Variants in RBFOX1 observed in about 807,000 individuals in gnomAD.
RBFOX1 encodes RNA binding protein fox-1 homolog 1.
RBFOX1 carries 8 observed loss-of-function variants against 57.7 expected under a neutral mutation model. The observed-to-expected ratio is 0.14, with a 90% confidence interval of 0.08 to 0.25. RBFOX1 has a LOEUF of 0.25. Among genes scored for constraint, RBFOX1 ranks in the 10% least tolerant of loss-of-function variants. The pLI, the probability that RBFOX1 is intolerant of heterozygous loss-of-function variation, is 1.00. For missense variants in RBFOX1, 611 were observed against 548.5 expected (o/e 1.11, Z -1.14); for synonymous variants, 326 against 222.4 (o/e 1.47, Z -4.15).
At chr16:6,118,047 A>G (rs879353008) in intron 1 of RBFOX1, among the ~76,000 whole-genome samples, 12 of 152,244 alleles carry the variant, frequency 7.9e-5, no homozygotes, top group Admixed American at 7.2e-4. Flanking sequence ...CTTTCATAAG[A>G]GTTGCAAAAG....
chr16:6,815,508 A>C (rs958980573), intron 3 of RBFOX1, among the ~76,000 whole-genome samples: 2 of 152,308 alleles, frequency 1.3e-5, no homozygotes, highest in Non-Finnish European at 2.9e-5. Flanking sequence ...TTATATTTCT[A>C]AATTGTCACT....
In RBFOX1 at chr16:6,201,105, G is replaced by C. The variant is rs143959839; in HGVS notation, c.-126-115890G>C. ...TTTCGCTTAACATAATGTCCCTCCA[G>C]TTCCACCCATGTTGTTGCAAATGAC... On this transcript the variant is annotated intron_variant, in intron 1 of 15. Transcript: ENST00000550418. 3.0e-3 allele frequency among the ~76,000 whole-genome samples: 460 copies of C among 152,134 alleles called. 5 individuals carry two copies. Among genetic ancestry groups the C allele is most frequent in the African/African-American group, 0.011 (452 of 41,508 alleles).
chr16:6,751,271 G>T (rs1008029025), intron 3 of RBFOX1, among the ~76,000 whole-genome samples: 12 of 152,158 alleles, frequency 7.9e-5, no homozygotes, highest in Non-Finnish European at 1.6e-4. Flanking sequence ...AATGGATGGG[G>T]AGTAGGTGGC....
chr16:5,632,213 T>C (rs2048532984), intron 3 of RBFOX1, among the ~76,000 whole-genome samples: 1 of 152,194 alleles, frequency 6.6e-6, no homozygotes, highest in Non-Finnish European at 1.5e-5. Context: ...TATTATTCTG[T>C]ATTAGAGACG....
intron 1 of RBFOX1, among the ~76,000 whole-genome samples, chr16:6,145,102 G>C (rs994076590): frequency 6.6e-6 from 1 of 151,968 alleles, no homozygotes; most frequent in African/African-American, 2.4e-5. Flanking sequence ...CTTGTGTCAT[G>C]GGGGTTTGTT....
At chr16:7,020,546 T>C (rs1374787383) in intron 3 of RBFOX1, among the ~76,000 whole-genome samples, 1 of 152,184 alleles carries the variant, frequency 6.6e-6, no homozygotes, top group African/African-American at 2.4e-5. Flanking sequence ...AAATATAATG[T>C]TTATGAAAAT....
chr16:6,283,538 T>C (rs965959891), intron 1 of RBFOX1, among the ~76,000 whole-genome samples: 1 of 152,098 alleles, frequency 6.6e-6, no homozygotes, highest in African/African-American at 2.4e-5. Flanking sequence ...TACATAGGTA[T>C]TACCCAGCCT....
chr16:6,829,985 C>G (rs1393344617), intron 3 of RBFOX1, among the ~76,000 whole-genome samples: 1 of 151,958 alleles, frequency 6.6e-6, no homozygotes, highest in Admixed American at 6.6e-5. Flanking sequence ...GGTGCAGTCT[C>G]AGCTCTCTGC....
chr16:5,655,624 G>C (rs1407168192), intron 3 of RBFOX1, among the ~76,000 whole-genome samples: 2 of 152,206 alleles, frequency 1.3e-5, no homozygotes, highest in Admixed American at 1.3e-4. Flanking sequence ...ATACAGCAGA[G>C]TGCCCTGTGT....
intron 2 of RBFOX1, among the ~76,000 whole-genome samples, chr16:5,488,357 G>T (rs1453222986): frequency 6.7e-6 from 1 of 149,736 alleles, no homozygotes; most frequent in African/African-American, 2.5e-5. Context: ...AGTGGTGATG[G>T]CAGATGATGG....
chr16:5,612,995 C>A (rs994303134), intron 3 of RBFOX1, among the ~76,000 whole-genome samples: 4 of 152,156 alleles, frequency 2.6e-5, no homozygotes, highest in Non-Finnish European at 5.9e-5. Context: ...GTAGAATGGA[C>A]TCCATTTTAC....
chr16:5,815,441 A>G (rs923001060), intron 3 of RBFOX1, among the ~76,000 whole-genome samples: 1 of 152,080 alleles, frequency 6.6e-6, no homozygotes, highest in African/African-American at 2.4e-5. Context: ...AGCTCTGTTG[A>G]TCAGAAACCT....
intron 3 of RBFOX1, among the ~76,000 whole-genome samples, chr16:6,915,550 CTTTTTTT>C (rs141753685): frequency 8.1e-6 from 1 of 123,528 alleles, no homozygotes; most frequent in Non-Finnish European, 1.7e-5. Context: ...CCACACCCCC[CTTTTTTT>C]TTTTTTTTTT....
intron 2 of RBFOX1, among the ~76,000 whole-genome samples, chr16:6,360,582 A>G (rs980032860): frequency 6.6e-6 from 1 of 152,134 alleles, no homozygotes; most frequent in Non-Finnish European, 1.5e-5. Flanking sequence ...CTCATCCAAT[A>G]TTATTATGGA....
At chr16:7,032,078 G>A (rs952089476) in intron 3 of RBFOX1, among the ~76,000 whole-genome samples, 2 of 152,112 alleles carry the variant, frequency 1.3e-5, no homozygotes, top group African/African-American at 4.8e-5. Context: ...GCAACTTTCG[G>A]ATGGCCGTAG....
rs990129954 is a variant in RBFOX1, at chr16:5,530,954, A to C, written c.258+63700A>C. 9.7e-3 allele frequency among the ~76,000 whole-genome samples: 1,258 copies of C among 129,622 alleles called. 19 individuals carry two copies. Among genetic ancestry groups the C allele is most frequent in the African/African-American group, 0.034 (921 of 26,870 alleles). The allele number at this position is 129,622 out of a possible 152,430, so 85.0% of individuals were successfully genotyped here. On this transcript the variant is annotated intron_variant, in intron 2 of 2. Transcript: ENST00000585867. ...AATATAAAAAAAAAAAAAAAAAAAAAAAAAAAAAAAAAAAAAAAAAATTAG... is the reference window on the plus strand; with the variant it reads ...AATATAAAAAAAAAAAAAAAAAAAACAAAAAAAAAAAAAAAAAAAAATTAG...
At chr16:7,652,683 G>A (rs80090738) in intron 11 of RBFOX1, among the ~76,000 whole-genome samples, 15,659 of 152,234 alleles carry the variant, frequency 0.1, 874 homozygotes, top group East Asian at 0.17. Flanking sequence ...TGGGATTACA[G>A]GCATGAGCCA....
intron 4 of RBFOX1, among the ~76,000 whole-genome samples, chr16:7,499,400 C>T (rs1180832925): frequency 2.0e-5 from 3 of 152,170 alleles, no homozygotes; most frequent in Non-Finnish European, 2.9e-5. Context: ...CTAATTACAT[C>T]TGCAGTGACC....
At chr16:7,263,294 T>C (rs1444193607) in intron 4 of RBFOX1, among the ~76,000 whole-genome samples, 1 of 152,146 alleles carries the variant, frequency 6.6e-6, no homozygotes, top group African/African-American at 2.4e-5. Flanking sequence ...GAAGATGCTT[T>C]GAAAGACCTG....
Sources: gnomAD v4.1 joint callset for allele counts (sites outside exome capture counted in the v4.1 genomes callset) on GRCh38, gnomAD v4.1.1 for gene constraint, MANE v1.5 for transcripts, NCBI Gene and HGNC (gene_info 2026-07-23, HGNC 2026-07-21) for gene names.